BMPR2: variants seen among roughly 807,000 people sequenced by gnomAD.
BMPR2 encodes bone morphogenetic protein receptor type 2, also known as bone morphogenetic protein receptor type-2.
Under a neutral mutation model 100.8 loss-of-function variants are expected in BMPR2, and 29 were observed. The observed-to-expected ratio is 0.29, with a 90% CI of 0.21 to 0.39. The LOEUF (loss-of-function observed/expected upper bound fraction) is 0.39. Ranked by LOEUF, BMPR2 falls within the 10% of genes least tolerant of loss-of-function variation. BMPR2 has a pLI of 1.00. For synonymous variants in BMPR2, 382 were observed against 442.3 expected, an observed-to-expected ratio of 0.86 and a Z score of 1.71; for missense variants, 1,011 against 1,274.5, an observed-to-expected ratio of 0.79 and a Z score of 3.15.
At chr2:202,516,342 C>T (rs541901623) in intron 5 of BMPR2, among the ~76,000 whole-genome samples, 3 of 152,180 alleles carry the variant, frequency 2.0e-5, no homozygotes, top group Non-Finnish European at 4.4e-5. Context: ...TGATAAAGAA[C>T]TGATATAAAT....
chr2:202,493,141 G>A (rs571886506), intron 3 of BMPR2, among the ~76,000 whole-genome samples: 12 of 152,244 alleles, frequency 7.9e-5, no homozygotes, highest in African/African-American at 2.9e-4. Flanking sequence ...TGTGAGTCTC[G>A]TGAATTTTCT....
intron 1 of BMPR2, among the ~76,000 whole-genome samples, chr2:202,401,766 A>G (rs915660857): frequency 1.3e-5 from 2 of 152,224 alleles, no homozygotes; most frequent in Admixed American, 6.5e-5. Flanking sequence ...ATCATGCAGC[A>G]TCAACCAAGG....
At chr2:202,542,544 T>A (rs1362808138) in intron 10 of BMPR2, 97 bp downstream of exon 10, 1 of 1,434,818 alleles carries the variant, frequency 7.0e-7, no homozygotes, top group Non-Finnish European at 9.5e-7. Context: ...GTTAATAGTT[T>A]TTGGAGTTGC....
intron 3 of BMPR2, among the ~76,000 whole-genome samples, chr2:202,500,597 A>T (rs1249083497): frequency 1.3e-5 from 2 of 152,220 alleles, no homozygotes; most frequent in Non-Finnish European, 2.9e-5. Context: ...TGAAGCTCAT[A>T]CAGGATTACA....
intron 9 of BMPR2, among the ~76,000 whole-genome samples, chr2:202,539,964 A>G (rs924559194): frequency 1.3e-5 from 2 of 152,160 alleles, no homozygotes; most frequent in Non-Finnish European, 2.9e-5. Flanking sequence ...CAATAAGGTT[A>G]TTATCTTCCA....
At position 202,552,679 on chromosome 2, in the gene BMPR2, TAAAGA is replaced by T; in HGVS notation, c.1414-36_1414-32del. ...GAAAAGCTCAATACATTTTTTTTTT[TAAAGA>T]CACATGGTTTGACATGTACTTTGTC... On this transcript the variant is annotated intron_variant, in intron 10 of 12. Transcript: ENST00000374580. 5 of 1,608,584 alleles carry T rather than the reference TAAAGA, an allele frequency of 3.1e-6. No individual in the cohort carries two copies. The Admixed American group carries it at 8.3e-5, about 27-fold the overall frequency.
At chr2:202,417,072 A>G (rs1332827210) in intron 1 of BMPR2, among the ~76,000 whole-genome samples, 1 of 151,520 alleles carries the variant, frequency 6.6e-6, no homozygotes, top group African/African-American at 2.4e-5. Context: ...TCCTGACCTC[A>G]TGATCCACCC....
chr2:202,386,448 CTCTT>C (rs1559021510), intron 1 of BMPR2, among the ~76,000 whole-genome samples: 4 of 152,264 alleles, frequency 2.6e-5, no homozygotes, highest in Non-Finnish European at 5.9e-5. Flanking sequence ...TTTGTCTCTT[CTCTT>C]TCTTTTTTTC....
chr2:202,388,042 A>G (rs1690465936), intron 1 of BMPR2, among the ~76,000 whole-genome samples: 2 of 152,086 alleles, frequency 1.3e-5, no homozygotes, highest in African/African-American at 2.4e-5. Context: ...CAAGAATGCT[A>G]ATCTATAAAT....
At chr2:202,435,381 ATAT>A (rs1559037676) in intron 1 of BMPR2, among the ~76,000 whole-genome samples, 1 of 73,600 alleles carries the variant, frequency 1.4e-5, no homozygotes, top group African/African-American at 6.9e-5. Context: ...AAATACATAT[ATAT>A]ATATATATAT....
intron 9 of BMPR2, among the ~76,000 whole-genome samples, chr2:202,533,034 A>G (rs1014606798): frequency 2.0e-5 from 3 of 152,168 alleles, no homozygotes; most frequent in Non-Finnish European, 2.9e-5. Flanking sequence ...TTCCTTATGC[A>G]CCATCTGAGT....
chr2:202,387,811 G>A (rs1175513669), intron 1 of BMPR2, among the ~76,000 whole-genome samples: 3 of 152,104 alleles, frequency 2.0e-5, no homozygotes, highest in African/African-American at 7.2e-5. Flanking sequence ...AACCCCATGG[G>A]GCCAGTCTAG....
At chr2:202,550,145 G>A (rs1189700682) in intron 10 of BMPR2, among the ~76,000 whole-genome samples, 5 of 151,946 alleles carry the variant, frequency 3.3e-5, no homozygotes, top group African/African-American at 7.3e-5. Context: ...TGAGGTGGGC[G>A]GATCACGAGG....
At chr2:202,472,837 T>G (rs1466058256) in intron 3 of BMPR2, among the ~76,000 whole-genome samples, 2 of 152,138 alleles carry the variant, frequency 1.3e-5, no homozygotes, top group African/African-American at 4.8e-5. Context: ...AGGGAAAGTG[T>G]TTTAAGTAAA....
At chr2:202,398,193 A>AT (rs1184843640) in intron 1 of BMPR2, among the ~76,000 whole-genome samples, 2 of 151,920 alleles carry the variant, frequency 1.3e-5, no homozygotes, top group Non-Finnish European at 2.9e-5. Flanking sequence ...CCAGAGACTC[A>AT]TTTTTTCTTA....
rs577949366 is a variant in BMPR2 at position 202,547,048 on chromosome 2, A to G, written c.1413+4601A>G. ...CTCCCAGAGTGCCGGGATTACAGTC[A>G]TGAGTCAGCATGCCTGGCCCCCACA... On this transcript the variant is annotated intron_variant, in intron 10 of 12. Coordinates refer to ENST00000374580, the MANE Select transcript of BMPR2 (RefSeq NM_001204.7). 2.0e-5 allele frequency among the ~76,000 whole-genome samples: 3 copies of G among 152,208 alleles called. No homozygotes were observed. In the East Asian group the frequency reaches 5.8e-4, roughly 29 times the overall value.
chr2:202,505,571 T>A (rs905109812), intron 3 of BMPR2, among the ~76,000 whole-genome samples: 1 of 152,102 alleles, frequency 6.6e-6, no homozygotes, highest in African/African-American at 2.4e-5. Context: ...TTACTTCCAG[T>A]TGATTTATGG....
At chr2:202,430,301 G>A (rs1691478387) in intron 1 of BMPR2, among the ~76,000 whole-genome samples, 1 of 152,170 alleles carries the variant, frequency 6.6e-6, no homozygotes, top group Non-Finnish European at 1.5e-5. Context: ...GTAGCAGTAT[G>A]CAGTATTTGT....
At chr2:202,544,041 C>T (rs1366180062) in intron 10 of BMPR2, among the ~76,000 whole-genome samples, 1 of 151,998 alleles carries the variant, frequency 6.6e-6, no homozygotes, top group Non-Finnish European at 1.5e-5. Context: ...GCCCAGGAGG[C>T]TGAGGTAGGA....
Sources: allele counts gnomAD v4.1 joint callset (sites outside exome capture counted in the v4.1 genomes callset), GRCh38; gene constraint gnomAD v4.1.1; transcripts MANE v1.5; gene names NCBI Gene and HGNC (gene_info 2026-07-23, HGNC 2026-07-21).